Variants in PML observed in about 807,000 individuals in gnomAD.
PML encodes protein PML.
A neutral mutation model predicts 65.2 loss-of-function variants in PML; 28 were observed. The observed-to-expected ratio is 0.43, with a 90% CI of 0.32 to 0.59. PML has a LOEUF of 0.59. PML is among the 20% of genes least tolerant of loss of function. The probability of loss-of-function intolerance (pLI) is 0.08; values close to 1 mark genes in which losing one functional copy is unlikely to be tolerated. For missense variants in PML, 1,021 were observed against 1,203.4 expected (o/e 0.85, Z 2.24); for synonymous variants, 500 against 508.8 (o/e 0.98, Z 0.23).
Position 74,029,056 on chromosome 15 carries a change from A to T in PML, c.1255-3516A>T, listed in dbSNP as rs1018223997. On this transcript the variant is annotated intron_variant, in intron 4 of 8. Coordinates refer to ENST00000268058, the MANE Select transcript of PML (RefSeq NM_033238.3). The stretch of plus-strand genomic sequence containing the variant: ...GGATCATATGGTAATTCTATTTTTA[A>T]TTTTTTTTTTGAGGAATCACCATGC... Among the ~76,000 whole-genome samples, 7 of 149,584 alleles carry T rather than the reference A, an allele frequency of 4.7e-5. No homozygotes were observed. The East Asian group carries it at 1.4e-3, about 29-fold the overall frequency.
chr15:74,022,039 C>T (rs1343127635), intron 2 of PML, among the ~76,000 whole-genome samples: 2 of 152,206 alleles, frequency 1.3e-5, no homozygotes, highest in East Asian at 1.9e-4. Context: ...CTCACCGCAG[C>T]CTCCGCCTCC....
At chr15:74,036,130 T>C in intron 7 of PML, 1 of 1,611,290 alleles carries the variant, frequency 6.2e-7, no homozygotes, top group Admixed American at 1.7e-5. Flanking sequence ...GACCTGGGTC[T>C]TCTCTGGCTG....
intron 1 of PML, among the ~76,000 whole-genome samples, chr15:73,996,825 C>G (rs1165895025): frequency 6.6e-6 from 1 of 152,206 alleles, no homozygotes; most frequent in African/African-American, 2.4e-5. Context: ...AACTTCTAAT[C>G]TACCTTCTGT....
At chr15:74,009,575 T>A (rs1188375934) in intron 2 of PML, among the ~76,000 whole-genome samples, 1 of 152,204 alleles carries the variant, frequency 6.6e-6, no homozygotes, top group Non-Finnish European at 1.5e-5. Flanking sequence ...CCTGGTCTCC[T>A]TTGATGTTTT....
In PML at chr15:74,035,073, C is replaced by A; in HGVS notation, c.1710+543C>A. ...TTATTACTAGAGGCTGGACTATCAC[C>A]TGTCCAGGGGAAAAGGGGATCTGAA... On this transcript the variant is annotated intron_variant, in intron 7 of 8. Transcript: ENST00000268058. This position sits in a 1 kb window ranked among gnomAD's most constrained non-coding sequence, Gnocchi z 4.1. The A allele has an allele frequency of 7.8e-7, 1 of 1,286,828 alleles. No individual in the cohort carries two copies. Among genetic ancestry groups the A allele is most frequent in the Non-Finnish European group, 1.1e-6 (1 of 892,574 alleles). 79.7% of individuals were successfully genotyped at this position (1,286,828 alleles called of 1,614,324 possible). A position where few individuals can be genotyped will look rare whatever the true frequency, so the allele number is the denominator to read the frequency against.
chr15:74,034,589 G>A (rs755313454), intron 7 of PML, 59 bp downstream of exon 7: 1 of 1,614,144 alleles, frequency 6.2e-7, no homozygotes, highest in Non-Finnish European at 8.5e-7. Context: ...AGGTCCCAGG[G>A]GGCACAGCCA....
At chr15:74,002,914 C>T (rs1350372498) in intron 2 of PML, among the ~76,000 whole-genome samples, 1 of 151,906 alleles carries the variant, frequency 6.6e-6, no homozygotes, top group Non-Finnish European at 1.5e-5. Context: ...TATTTTGAGC[C>T]CAGGAGTTTG....
Position 74,034,667 on chromosome 15 carries a change from G to A in PML, c.1710+137G>A, listed in dbSNP as rs768427910. On this transcript the variant is annotated intron_variant, in intron 7 of 8. Transcript: ENST00000268058. ...CCAGTGAGGCATTGAGTCCCAAGCT[G>A]TGCTGAGGACAGTCTCCAAATGACA... 18 of 1,586,298 alleles carry A rather than the reference G, an allele frequency of 1.1e-5. No individual in the cohort carries two copies. The South Asian group carries it at 1.8e-4, about 16-fold the overall frequency.
At chr15:74,009,586 G>A (rs2070226060) in intron 2 of PML, among the ~76,000 whole-genome samples, 1 of 152,130 alleles carries the variant, frequency 6.6e-6, no homozygotes, top group Non-Finnish European at 1.5e-5. Flanking sequence ...TTGATGTTTT[G>A]GAGAAAGAAG....
At chr15:74,011,173 G>A (rs773995266) in intron 2 of PML, among the ~76,000 whole-genome samples, 1 of 152,158 alleles carries the variant, frequency 6.6e-6, no homozygotes, top group Non-Finnish European at 1.5e-5. Context: ...AGCTCCAGAG[G>A]TTACACCCTC....
At chr15:73,997,974 C>T in intron 1 of PML, 30 bp from the exon 2 acceptor site, 1 of 1,598,962 alleles carries the variant, frequency 6.3e-7, no homozygotes, top group Non-Finnish European at 8.6e-7. Context: ...GGGACTTCTC[C>T]AGGCCTCACC....
At chr15:74,011,887 G>T (rs1309837398) in intron 2 of PML, among the ~76,000 whole-genome samples, 1 of 152,170 alleles carries the variant, frequency 6.6e-6, no homozygotes, top group African/African-American at 2.4e-5. Context: ...CAGAATGGGT[G>T]CCCCTTTCCT....
chr15:74,038,638 T>C (rs538612932), intron 7 of PML, among the ~76,000 whole-genome samples: 1 of 152,276 alleles, frequency 6.6e-6, no homozygotes, highest in South Asian at 2.1e-4. Context: ...GCACCACCAC[T>C]GCAAATTCCT....
At chr15:74,034,195 G>C (rs1231063575) in intron 6 of PML, 3 of 505,522 alleles carry the variant, frequency 5.9e-6, no homozygotes, top group Admixed American at 3.2e-5. Flanking sequence ...CAGTTGTCAG[G>C]CCTCCTGTAC....
Position 74,044,762 on chromosome 15 carries a change from C to T in PML, c.2403C>T (p.His801=), listed in dbSNP as rs2071753374. Residue 801 remains histidine, a synonymous_variant, in exon 9 of 9, where the codon CAC becomes CAT. Transcript: ENST00000268058. ...CTGAGGCCCGCCTCCTGGCCCTACA[C>T]AACGTGAGCTTCATGGAGCTGCTGA... is the stretch of plus-strand genomic sequence containing the variant. ...PRAEARLLAL[H]NVSFMELLSA... 6.2e-7 allele frequency: 1 copy of T among 1,612,878 alleles called. No individual in the cohort carries two copies. The highest frequency in any genetic ancestry group is 8.5e-7 in the Non-Finnish European group (1 of 1,180,022).
intron 2 of PML, among the ~76,000 whole-genome samples, chr15:74,015,543 G>A (rs577280789): frequency 3.3e-4 from 51 of 152,330 alleles, no homozygotes; most frequent in African/African-American, 1.2e-3. Context: ...AGAGCTACCA[G>A]TTTCCTAGAA....
chr15:74,013,835 C>T (rs1204567270), intron 2 of PML, among the ~76,000 whole-genome samples: 1 of 152,028 alleles, frequency 6.6e-6, no homozygotes, highest in Admixed American at 6.6e-5. Context: ...ATGTGATAAA[C>T]TCTGTCTTAT....
At position 74,035,722 on chromosome 15, in the gene PML, TCTC is replaced by T. The variant is rs767914773; in HGVS notation, c.1710+1197_1710+1199del. 3.3e-5 allele frequency: 53 copies of T among 1,613,906 alleles called. No homozygotes were observed. Among genetic ancestry groups the T allele is most frequent in the Non-Finnish European group, 4.2e-5 (50 of 1,179,984 alleles). ...CTCAACAACTTTTTTGCCCTCCCCT[TCTC>T]CTCCATGGCTTCCCAGCTTGACATG... On this transcript the variant is annotated intron_variant, in intron 7 of 8. Transcript: ENST00000268058. The surrounding 1 kb of genome is among the most constrained non-coding windows in gnomAD (Gnocchi z 4.1).
chr15:74,031,113 C>A (rs1028612603), intron 4 of PML, among the ~76,000 whole-genome samples: 2 of 151,948 alleles, frequency 1.3e-5, no homozygotes, highest in Non-Finnish European at 2.9e-5. Context: ...AAAAGGAAAC[C>A]CCTTACCCAT....
Sources: allele counts gnomAD v4.1 joint callset (sites outside exome capture counted in the v4.1 genomes callset), GRCh38; gene constraint gnomAD v4.1.1; non-coding constraint Gnocchi (gnomAD v3.1); transcripts MANE v1.5; gene names NCBI Gene and HGNC (gene_info 2026-07-23, HGNC 2026-07-21).